The following MCCC1 variants were observed in gnomAD, a reference collection of about 807,000 sequenced individuals.
The protein encoded by MCCC1 is methylcrotonoyl-CoA carboxylase subunit alpha, mitochondrial.
MCCC1 carries 64 observed loss-of-function variants against 83.8 expected under a neutral mutation model. The ratio of observed to expected loss-of-function variants is 0.76; its 90% CI spans 0.62 to 0.94. The LOEUF (loss-of-function observed/expected upper bound fraction) is 0.94. Among genes scored for constraint, MCCC1 ranks in the 40% least tolerant of loss-of-function variants. The pLI is 0.00. For synonymous variants in MCCC1, 322 were observed against 315.4 expected, an observed-to-expected ratio of 1.02 and a Z score of -0.22; for missense variants, 807 against 904.7, an observed-to-expected ratio of 0.89 and a Z score of 1.39.
At position 183,022,563 on chromosome 3, in the gene MCCC1, A is replaced by T. The variant is rs370660849; in HGVS notation, c.1732-9T>A. The T allele has an allele frequency of 1.7e-5, 27 of 1,602,158 alleles. No individual in the cohort carries two copies. The African/African-American group carries it at 3.4e-4, about 20-fold the overall frequency. On this transcript the variant is annotated splice_polypyrimidine_tract_variant and intron_variant, in intron 15 of 18. Transcript: ENST00000265594. ...AAAGTTTTATCTTCAATCTGAAAAA[A>T]ATGAAAAATAAGATTTTTAAAATAA...
intron 1 of MCCC1, 176 bp downstream of exon 1, chr3:183,099,176 G>T: frequency 2.9e-6 from 2 of 678,590 alleles, no homozygotes; most frequent in Admixed American, 4.7e-5. Flanking sequence ...GGGCTGGTGG[G>T]GATGTCTTCC....
Position 183,057,553 on chromosome 3 carries a change from T to C in MCCC1, c.762-131A>G, listed in dbSNP as rs1396864318. The C allele has an allele frequency of 9.0e-6, 7 of 781,744 alleles. No individual in the cohort carries two copies. The East Asian group carries it at 1.9e-4, about 21-fold the overall frequency. The allele number at this position is 781,744 out of a possible 1,614,324, so 48.4% of individuals were successfully genotyped here. A position where few individuals can be genotyped will look rare whatever the true frequency, so the allele number is the denominator to read the frequency against. On this transcript the variant is annotated intron_variant, in intron 7 of 18. Coordinates refer to ENST00000265594, the MANE Select transcript of MCCC1 (RefSeq NM_020166.5). The stretch of plus-strand genomic sequence containing the variant: ...ACTTCCTTTAAGTAAGATCTGATAT[T>C]TTGACCTCAAATTAGAGGTTATGGA...
chr3:183,106,863 A>G (rs903235124), intron 1 of MCCC1, among the ~76,000 whole-genome samples: 1 of 151,996 alleles, frequency 6.6e-6, no homozygotes, highest in African/African-American at 2.4e-5. Flanking sequence ...GCAGATATAG[A>G]TATATATGTG....
chr3:183,097,858 G>C (rs1164166320), intron 1 of MCCC1, among the ~76,000 whole-genome samples: 1 of 152,088 alleles, frequency 6.6e-6, no homozygotes, highest in Non-Finnish European at 1.5e-5. Flanking sequence ...CCTAAGAAAA[G>C]AAAAACCAGA....
chr3:183,104,217 GCTC>G (rs773193008), upstream of MCCC1, among the ~76,000 whole-genome samples: 4 of 152,228 alleles, frequency 2.6e-5, no homozygotes, highest in Non-Finnish European at 5.9e-5. Context: ...GGGCTGAAGG[GCTC>G]CTCAAGTGCC....
chr3:183,102,774 T>G (rs1005776157), upstream of MCCC1, among the ~76,000 whole-genome samples: 23 of 93,698 alleles, frequency 2.5e-4, 1 homozygote, highest in African/African-American at 9.4e-4. Flanking sequence ...TTTTTTTTTT[T>G]TTTTTTTTTT....
At chr3:183,101,388 T>C (rs548817569), upstream of MCCC1, among the ~76,000 whole-genome samples, 15 of 151,908 alleles carry the variant, frequency 9.9e-5, no homozygotes, top group South Asian at 2.1e-4. Flanking sequence ...ACGTGGAGAG[T>C]CTTTATATCT....
chr3:183,081,454 C>T (rs12638619), intron 4 of MCCC1, among the ~76,000 whole-genome samples: 25,742 of 152,186 alleles, frequency 0.17, 2,480 homozygotes, highest in East Asian at 0.4. Flanking sequence ...CAAGAAGACA[C>T]ACACAAGCAA....
intron 8 of MCCC1, among the ~76,000 whole-genome samples, chr3:183,054,478 C>T (rs567356740): frequency 6.6e-6 from 1 of 152,046 alleles, no homozygotes; most frequent in Non-Finnish European, 1.5e-5. Flanking sequence ...TGAGCCACCG[C>T]GCCCGGCCTA....
chr3:183,059,618 T>C (rs1268530790), intron 7 of MCCC1, among the ~76,000 whole-genome samples: 10 of 152,246 alleles, frequency 6.6e-5, no homozygotes, highest in African/African-American at 2.4e-4. Context: ...ATTATGTAGA[T>C]CCAAGTTTCT....
At chr3:183,107,524 A>G (rs1237300961) in intron 1 of MCCC1, among the ~76,000 whole-genome samples, 2 of 150,586 alleles carry the variant, frequency 1.3e-5, no homozygotes, top group East Asian at 3.9e-4. Flanking sequence ...TATTATTATT[A>G]TTATTATTAT....
intron 1 of MCCC1, among the ~76,000 whole-genome samples, chr3:183,113,022 G>A (rs559737698): frequency 2.0e-5 from 3 of 151,968 alleles, no homozygotes; most frequent in Non-Finnish European, 4.4e-5. Context: ...TCAAGAGATC[G>A]AGACCATCCT....
intron 16 of MCCC1, among the ~76,000 whole-genome samples, chr3:183,020,878 T>A (rs944970718): frequency 5.9e-5 from 9 of 151,874 alleles, no homozygotes; most frequent in Non-Finnish European, 1.2e-4. Flanking sequence ...GCTAACATGG[T>A]GAAACCCCAT....
intron 11 of MCCC1, 139 bp downstream of exon 11, chr3:183,041,428 T>C: frequency 1.1e-6 from 1 of 917,108 alleles, no homozygotes; most frequent in Non-Finnish European, 1.6e-6. Flanking sequence ...AAAGTAATGG[T>C]TACTGAGAAA....
At chr3:183,059,046 AC>A (rs1326843664) in intron 7 of MCCC1, among the ~76,000 whole-genome samples, 1 of 152,134 alleles carries the variant, frequency 6.6e-6, no homozygotes, top group Non-Finnish European at 1.5e-5. Flanking sequence ...GTTGGTGCAC[AC>A]CTGTAATCCC....
chr3:183,037,117 G>T, intron 13 of MCCC1, 101 bp downstream of exon 13: 1 of 1,100,548 alleles, frequency 9.1e-7, no homozygotes, highest in Non-Finnish European at 1.4e-6. Context: ...CAGTCACTGA[G>T]AGGAGAAAAG....
At chr3:183,040,806 T>C (rs1037152611) in intron 11 of MCCC1, among the ~76,000 whole-genome samples, 12 of 152,142 alleles carry the variant, frequency 7.9e-5, no homozygotes, top group African/African-American at 2.7e-4. Context: ...CCCCTGAGAA[T>C]TGCTATATCC....
intron 4 of MCCC1, among the ~76,000 whole-genome samples, chr3:183,078,095 C>T (rs936996252): frequency 2.6e-5 from 4 of 152,202 alleles, no homozygotes; most frequent in Admixed American, 6.5e-5. Context: ...TCTTGGCTCA[C>T]TGCAACCTCC....
chr3:183,064,087 C>T lies in MCCC1; in HGVS notation c.762-6665G>A, dbSNP rs1463620904. 1.3e-5 allele frequency among the ~76,000 whole-genome samples: 2 copies of T among 152,116 alleles called. No homozygotes were observed. The highest frequency in any genetic ancestry group is 2.9e-5 in the Non-Finnish European group (2 of 68,014). On this transcript the variant is annotated intron_variant, in intron 7 of 18. Transcript: ENST00000265594. This position sits in a 1 kb window ranked among gnomAD's most constrained non-coding sequence, Gnocchi z 4.5. ...GGGCTCCTCTCAGTAAAATCCCTCTCGGCTAAGAATGGGTTTGGCACTATG... is the reference window on the plus strand; with the variant it reads ...GGGCTCCTCTCAGTAAAATCCCTCTTGGCTAAGAATGGGTTTGGCACTATG...
Sources: gnomAD v4.1 joint callset for allele counts (sites outside exome capture counted in the v4.1 genomes callset) on GRCh38, gnomAD v4.1.1 for gene constraint, Gnocchi (gnomAD v3.1) non-coding constraint, MANE v1.5 for transcripts, NCBI Gene and HGNC (gene_info 2026-07-23, HGNC 2026-07-21) for gene names.